The following DMD variants were observed in gnomAD, a reference collection of about 807,000 sequenced individuals.
The protein encoded by DMD is mutant dystrophin.
In DMD, 63 loss-of-function variants were observed where a neutral mutation model predicts 330.1. That is an observed-to-expected ratio of 0.19 (90% confidence interval 0.16 to 0.24). The LOEUF (loss-of-function observed/expected upper bound fraction) is 0.24. Among genes scored for constraint, DMD ranks in the 10% least tolerant of loss-of-function variants. The pLI is 1.00. For synonymous variants in DMD, 1,223 were observed against 959.8 expected, an observed-to-expected ratio of 1.27 and a Z score of -5.07; for missense variants, 3,344 against 2,684.1, an observed-to-expected ratio of 1.25 and a Z score of -5.43.
intron 55 of DMD, among the ~76,000 whole-genome samples, chrX:31,516,617 G>A (rs905437756): frequency 1.2e-4 from 13 of 111,912 alleles, no homozygotes; most frequent in South Asian, 1.1e-3. Flanking sequence ...ACTGCATTGC[G>A]TTGCATCTTA....
intron 60 of DMD, among the ~76,000 whole-genome samples, chrX:31,415,756 T>C (rs998034966): frequency 9.0e-6 from 1 of 111,059 alleles, no homozygotes; most frequent in Non-Finnish European, 1.9e-5. Context: ...TTACAAGGGT[T>C]TGCAAACTTC....
chrX:33,146,966 G>A (rs1421560968), intron 1 of DMD, among the ~76,000 whole-genome samples: 5 of 110,341 alleles, frequency 4.5e-5, no homozygotes, highest in Non-Finnish European at 9.5e-5. Context: ...GGGACTACAG[G>A]TGTGTGCTAC....
At chrX:31,661,975 C>A (rs984205862) in intron 53 of DMD, among the ~76,000 whole-genome samples, 9 of 111,560 alleles carry the variant, frequency 8.1e-5, no homozygotes, top group African/African-American at 2.9e-4. Context: ...TGTCTTCTCT[C>A]ATTTCTTTTA....
intron 52 of DMD, among the ~76,000 whole-genome samples, chrX:31,684,846 C>T (rs1432415586): frequency 8.9e-6 from 1 of 111,951 alleles, no homozygotes; most frequent in Non-Finnish European, 1.9e-5. Context: ...CTGATCAATA[C>T]ATTTTGTCTG....
rs2148690761 is a variant in DMD at position 32,501,759 on chromosome X, C to T, written c.2376G>A (p.Val792=). The T allele has an allele frequency of 8.3e-7, 1 of 1,202,664 alleles. No individual in the cohort carries two copies. Reference sequence around the variant, plus strand: ...TAAATCAACTCGTGTAATTACCATTCACCATCTGTTCCACCAGGGCCTGAG... The same window carrying T: ...TAAATCAACTCGTGTAATTACCATTTACCATCTGTTCCACCAGGGCCTGAG... The part of the protein sequence containing the change: ...RSAQALVEQM[V]NEGVNADSIK... Residue 792 remains valine (V), a synonymous_variant, in exon 19 of 79, where the codon GTG becomes GTA. Coordinates refer to ENST00000357033, the MANE Select transcript of DMD (RefSeq NM_004006.3).
At chrX:33,319,903 T>C (rs960490259) in intron 1 of DMD, among the ~76,000 whole-genome samples, 3 of 111,404 alleles carry the variant, frequency 2.7e-5, no homozygotes, top group Non-Finnish European at 3.8e-5. Flanking sequence ...ATAATTTAGA[T>C]TGAAAAAGGT....
intron 42 of DMD, among the ~76,000 whole-genome samples, chrX:32,299,587 A>G (rs952985656): frequency 1.4e-4 from 15 of 109,350 alleles, no homozygotes; most frequent in Non-Finnish European, 2.5e-4. Flanking sequence ...AAGAAACTGT[A>G]TAGCGTAGTG....
chrX:32,473,896 C>T (rs765350312), intron 21 of DMD, among the ~76,000 whole-genome samples: 1 of 109,793 alleles, frequency 9.1e-6, no homozygotes, highest in Admixed American at 9.8e-5. Flanking sequence ...TGAGTAAGTT[C>T]TTTAGTGGTG....
intron 4 of DMD, among the ~76,000 whole-genome samples, chrX:32,841,239 T>TA (rs1173314333): frequency 5.9e-4 from 64 of 109,038 alleles, no homozygotes; most frequent in East Asian, 1.4e-3. Context: ...ACCTAAAATT[T>TA]AAAAAAAAAA....
chrX:32,346,133 A>G (rs2097763162), intron 38 of DMD, 53 bp from the exon 39 acceptor site: 1 of 1,146,395 alleles, frequency 8.7e-7, no homozygotes, highest in African/African-American at 1.8e-5. Flanking sequence ...AAAGCTGTAC[A>G]TTGTTAACAG....
At chrX:32,405,251 G>A (rs73222843) in intron 30 of DMD, among the ~76,000 whole-genome samples, 2,367 of 111,559 alleles carry the variant, frequency 0.021, 32 homozygotes, top group South Asian at 0.034. Context: ...TGGTTACTTA[G>A]ACTGTTGCTA....
chrX:32,842,773 T>C (rs896587943), intron 4 of DMD, among the ~76,000 whole-genome samples: 2 of 111,224 alleles, frequency 1.8e-5, no homozygotes, highest in African/African-American at 3.3e-5. Context: ...TGTGGCTGCA[T>C]AGTATTGTAT....
chrX:32,973,895 T>C (rs968630298), intron 2 of DMD, among the ~76,000 whole-genome samples: 1 of 111,490 alleles, frequency 9.0e-6, no homozygotes, highest in Non-Finnish European at 1.9e-5. Context: ...CACTTTTTTA[T>C]TTCTGTGCCT....
At chrX:32,767,816 A>G (rs1481866690) in intron 7 of DMD, among the ~76,000 whole-genome samples, 1 of 112,218 alleles carries the variant, frequency 8.9e-6, no homozygotes, top group Non-Finnish European at 1.9e-5. Flanking sequence ...CCAATTAGAT[A>G]TATAAGCATT....
Position 31,597,973 on chromosome X carries a change from T to C in DMD, c.8217+29700A>G, listed in dbSNP as rs565075262. Among the ~76,000 whole-genome samples, 5 of 111,834 alleles carry C rather than the reference T, an allele frequency of 4.5e-5. No homozygotes were observed. In the South Asian group the frequency reaches 1.9e-3, roughly 42 times the overall value. ...TGACTAAGGGGGACTCTAATAAGTA[T>C]CTAGGTAGAATTGTCAAAGAAGATG... On this transcript the variant is annotated intron_variant, in intron 55 of 78. Transcript: ENST00000357033.
intron 11 of DMD, among the ~76,000 whole-genome samples, chrX:32,640,609 G>C (rs752910561): frequency 9.0e-6 from 1 of 110,522 alleles, no homozygotes; most frequent in African/African-American, 3.3e-5. Context: ...CACTTTTACT[G>C]TCAAAAGGAA....
At chrX:32,751,373 A>G (rs764986119) in intron 7 of DMD, among the ~76,000 whole-genome samples, 1 of 111,476 alleles carries the variant, frequency 9.0e-6, no homozygotes, top group Non-Finnish European at 1.9e-5. Context: ...AAAGTGACTC[A>G]TTATATTTTA....
intron 1 of DMD, among the ~76,000 whole-genome samples, chrX:33,069,715 A>T (rs1413503023): frequency 8.9e-6 from 1 of 111,782 alleles, no homozygotes; most frequent in Non-Finnish European, 1.9e-5. Flanking sequence ...TCAGGATTTA[A>T]TAGAATTAGA....
chrX:31,214,937 C>CTTTT (rs761569710), intron 64 of DMD, among the ~76,000 whole-genome samples: 5 of 38,089 alleles, frequency 1.3e-4, no homozygotes, highest in Admixed American at 4.2e-4. Context: ...TTTCTTTTTT[C>CTTTT]TTTTTTTTTT....
Sources: gnomAD v4.1 joint callset for allele counts (sites outside exome capture counted in the v4.1 genomes callset) on GRCh38, gnomAD v4.1.1 for gene constraint, MANE v1.5 for transcripts, NCBI Gene and HGNC (gene_info 2026-07-23, HGNC 2026-07-21) for gene names.